The following PTPRD variants were observed in gnomAD, a reference collection of about 807,000 sequenced individuals.
PTPRD encodes the protein protein tyrosine phosphatase receptor type D.
In PTPRD, 34 loss-of-function variants were observed where a neutral mutation model predicts 214.5. The ratio of observed to expected loss-of-function variants is 0.16; its 90% CI spans 0.12 to 0.21. The LOEUF (loss-of-function observed/expected upper bound fraction) is 0.21, where lower values mean the gene tolerates loss of function less well. Ranked by LOEUF, PTPRD falls within the 10% of genes least tolerant of loss-of-function variation. The pLI is 1.00. For synonymous variants in PTPRD, 1,128 were observed against 845.7 expected (o/e 1.33, Z -5.79); for missense variants, 2,545 against 2,398.7 (o/e 1.06, Z -1.27).
intron 5 of PTPRD, among the ~76,000 whole-genome samples, chr9:9,912,287 T>G (rs2079413975): frequency 6.6e-6 from 1 of 152,168 alleles, no homozygotes; most frequent in African/African-American, 2.4e-5. Context: ...GACTGTCATT[T>G]GTTCTGAGTT....
intron 5 of PTPRD, among the ~76,000 whole-genome samples, chr9:9,910,083 G>C (rs1021253837): frequency 6.6e-6 from 1 of 151,800 alleles, no homozygotes; most frequent in African/African-American, 2.4e-5. Flanking sequence ...CTACTTTCTT[G>C]ACATCTTGGT....
intron 3 of PTPRD, among the ~76,000 whole-genome samples, chr9:10,067,811 C>T (rs1310766316): frequency 6.6e-6 from 1 of 151,776 alleles, no homozygotes; most frequent in African/African-American, 2.4e-5. Context: ...GCAGTGATGA[C>T]CTAATAAATG....
chr9:8,734,068 A>T (rs958091710), intron 11 of PTPRD, 122 bp from the exon 12 acceptor site: 3 of 569,602 alleles, frequency 5.3e-6, no homozygotes, highest in Middle Eastern at 4.8e-4. Context: ...GTAAATACAC[A>T]ATAAATTGTA....
chr9:9,900,593 C>G (rs1210751601), intron 5 of PTPRD, among the ~76,000 whole-genome samples: 5 of 151,902 alleles, frequency 3.3e-5, no homozygotes, highest in African/African-American at 9.7e-5. Flanking sequence ...CCAAACTCTT[C>G]CAAAGTCGGC....
intron 11 of PTPRD, among the ~76,000 whole-genome samples, chr9:8,824,011 T>C (rs1045690726): frequency 6.6e-6 from 1 of 152,210 alleles, no homozygotes; most frequent in African/African-American, 2.4e-5. Context: ...ATGGCATTTG[T>C]AAACTGTCAT....
chr9:9,572,555 A>G (rs2086787044), intron 8 of PTPRD, among the ~76,000 whole-genome samples: 1 of 111,940 alleles, frequency 8.9e-6, no homozygotes, highest in Non-Finnish European at 1.9e-5. Context: ...AATGGCATAT[A>G]TATATGTATA....
At chr9:9,373,033 C>T (rs1313746309) in intron 9 of PTPRD, among the ~76,000 whole-genome samples, 1 of 152,036 alleles carries the variant, frequency 6.6e-6, no homozygotes, top group African/African-American at 2.4e-5. Context: ...TGCAAACACT[C>T]AATGTTATGT....
chr9:9,028,720 T>G (rs533934151), intron 10 of PTPRD, among the ~76,000 whole-genome samples: 1 of 152,056 alleles, frequency 6.6e-6, no homozygotes, highest in Admixed American at 6.6e-5. Flanking sequence ...GCAGTTCTCA[T>G]GCATTAATTA....
intron 7 of PTPRD, among the ~76,000 whole-genome samples, chr9:9,722,005 T>A (rs911057475): frequency 6.6e-6 from 1 of 152,014 alleles, no homozygotes; most frequent in African/African-American, 2.4e-5. Flanking sequence ...TGTTAGAGAG[T>A]CTTATCTCCT....
At chr9:9,531,869 A>G (rs965664774) in intron 8 of PTPRD, among the ~76,000 whole-genome samples, 2 of 152,052 alleles carry the variant, frequency 1.3e-5, no homozygotes, top group African/African-American at 4.8e-5. Context: ...AGTATGGCTG[A>G]TGAGGTTACA....
rs56267970 is a variant in PTPRD, at chr9:9,991,832, CCACACACACA to C, written c.-472+41876_-472+41885del. Among the ~76,000 whole-genome samples the C allele has an allele frequency of 1.3e-3, 193 of 147,620 alleles. 1 individual carries two copies. The highest frequency in any genetic ancestry group is 4.8e-3 in the Admixed American group (71 of 14,816). The stretch of plus-strand genomic sequence containing the variant: ...AAATGTGCGAGGGACTTCAACAGCA[CCACACACACA>C]CACACACACACACACACACACACAC... On this transcript the variant is annotated intron_variant, in intron 4 of 45. Transcript: ENST00000381196.
At chr9:8,653,000 G>C (rs1456947610) in intron 12 of PTPRD, among the ~76,000 whole-genome samples, 1 of 152,088 alleles carries the variant, frequency 6.6e-6, no homozygotes, top group Non-Finnish European at 1.5e-5. Context: ...ATATAACCCA[G>C]TCATAGTCAC....
chr9:9,315,133 TC>T (rs1322744443), intron 9 of PTPRD, among the ~76,000 whole-genome samples: 1 of 152,000 alleles, frequency 6.6e-6, no homozygotes, highest in Non-Finnish European at 1.5e-5. Context: ...TGAACATATT[TC>T]CCCTTTCTTC....
In PTPRD at chr9:9,648,166, G is replaced by C. The variant is rs1219433351; in HGVS notation, c.-286-73385C>G. 4.6e-5 allele frequency among the ~76,000 whole-genome samples: 7 copies of C among 151,580 alleles called. 1 individual carries two copies. The highest frequency in any genetic ancestry group is 4.6e-4 in the Admixed American group (7 of 15,194). On this transcript the variant is annotated intron_variant, in intron 7 of 45. Transcript: ENST00000381196. ...TATTACAAATATGTACTTATACTCA[G>C]AAATCATTTTATTTTCACTTATTTG...
intron 5 of PTPRD, chr9:9,799,672 A>T (rs2099026176): frequency 6.6e-6 from 1 of 152,136 alleles, no homozygotes; most frequent in African/African-American, 2.4e-5. Flanking sequence ...TACAAACAAT[A>T]AAAAGGGGGG....
At chr9:8,571,433 T>C (rs1280812306) in intron 14 of PTPRD, among the ~76,000 whole-genome samples, 1 of 152,088 alleles carries the variant, frequency 6.6e-6, no homozygotes, top group Non-Finnish European at 1.5e-5. Context: ...TAACTGAGAA[T>C]TCTAAAGTTT....
chr9:9,908,090 A>T (rs200916703), intron 5 of PTPRD, among the ~76,000 whole-genome samples: 1 of 123,856 alleles, frequency 8.1e-6, no homozygotes, highest in Admixed American at 8.5e-5. Flanking sequence ...AAAAAAAAAA[A>T]TCTTAGAATA....
chr9:8,750,253 G>A (rs986803105), intron 11 of PTPRD, among the ~76,000 whole-genome samples: 3 of 151,740 alleles, frequency 2.0e-5, no homozygotes, highest in African/African-American at 4.8e-5. Flanking sequence ...TGTCTCCCAG[G>A]TTCAAGCGAT....
At chr9:10,101,315 A>G (rs447770) in intron 3 of PTPRD, among the ~76,000 whole-genome samples, 40,025 of 151,580 alleles carry the variant, frequency 0.26, 5,713 homozygotes, top group East Asian at 0.52. Context: ...TGCCTCCTCA[A>G]GCAGATAAAA....
Sources: gnomAD v4.1 joint callset for allele counts (sites outside exome capture counted in the v4.1 genomes callset) on GRCh38, gnomAD v4.1.1 for gene constraint, MANE v1.5 for transcripts, NCBI Gene and HGNC (gene_info 2026-07-23, HGNC 2026-07-21) for gene names.